Variants in CUX1 observed in about 807,000 individuals in gnomAD.
The protein encoded by CUX1 is protein CASP.
CUX1 carries 31 observed loss-of-function variants against 158.8 expected under a neutral mutation model. That is an observed-to-expected ratio of 0.20 (90% CI 0.15 to 0.26). CUX1 has a LOEUF of 0.26. Among genes scored for constraint, CUX1 ranks in the 10% least tolerant of loss-of-function variants. CUX1 has a pLI of 1.00. For synonymous variants in CUX1, 879 were observed against 862.1 expected (o/e 1.02, Z -0.34); for missense variants, 1,589 against 2,014.6 (o/e 0.79, Z 4.04).
intron 8 of CUX1, among the ~76,000 whole-genome samples, chr7:102,140,404 C>T (rs1054153602): frequency 2.6e-4 from 39 of 152,206 alleles, no homozygotes; most frequent in African/African-American, 9.1e-4. Context: ...CACCACCATG[C>T]CCAGCCAGTT....
intron 14 of CUX1, chr7:102,273,346 A>G: frequency 6.2e-7 from 1 of 1,609,318 alleles, no homozygotes. Flanking sequence ...TCTGACGGCC[A>G]TGTCTTCCTT....
At chr7:102,043,055 G>A (rs1475168994) in intron 3 of CUX1, among the ~76,000 whole-genome samples, 1 of 151,986 alleles carries the variant, frequency 6.6e-6, no homozygotes, top group South Asian at 2.1e-4. Flanking sequence ...TCCACCTCCT[G>A]GGTTCAAGCC....
chr7:102,089,403 G>A (rs1554481549), intron 4 of CUX1, among the ~76,000 whole-genome samples: 1 of 152,160 alleles, frequency 6.6e-6, no homozygotes, highest in Non-Finnish European at 1.5e-5. Flanking sequence ...GGATTTTGTT[G>A]TCTTATTTAA....
At chr7:101,943,004 A>G (rs1305064151) in intron 2 of CUX1, among the ~76,000 whole-genome samples, 1 of 144,192 alleles carries the variant, frequency 6.9e-6, no homozygotes, top group African/African-American at 2.6e-5. Context: ...GACCACACCC[A>G]TGTTCGTTGT....
intron 21 of CUX1, among the ~76,000 whole-genome samples, chr7:102,232,003 G>A (rs546382583): frequency 5.3e-5 from 8 of 150,652 alleles, no homozygotes; most frequent in Admixed American, 2.0e-4. Context: ...GTGAGCCACC[G>A]CACCTGGCCA....
chr7:102,232,442 G>C (rs1799106323), intron 21 of CUX1, among the ~76,000 whole-genome samples: 1 of 152,184 alleles, frequency 6.6e-6, no homozygotes, highest in Non-Finnish European at 1.5e-5. Context: ...ATTTCACATA[G>C]AGGATGTAAG....
At chr7:101,927,630 G>A (rs1282762707) in intron 2 of CUX1, among the ~76,000 whole-genome samples, 1 of 152,094 alleles carries the variant, frequency 6.6e-6, no homozygotes, top group Non-Finnish European at 1.5e-5. Flanking sequence ...AGCCTGGGCG[G>A]CAGAGCAAGA....
At chr7:102,113,504 C>T (rs186077223) in intron 7 of CUX1, among the ~76,000 whole-genome samples, 2 of 152,296 alleles carry the variant, frequency 1.3e-5, no homozygotes, top group Admixed American at 1.3e-4. Context: ...GATCCACCTG[C>T]CTCAGCCTCC....
At chr7:102,185,288 T>C (rs1316226486) in intron 11 of CUX1, among the ~76,000 whole-genome samples, 2 of 152,192 alleles carry the variant, frequency 1.3e-5, no homozygotes, top group Non-Finnish European at 2.9e-5. Flanking sequence ...TGTACTAAGC[T>C]CTAAGTACCC....
At chr7:102,008,803 A>G (rs762916070) in intron 2 of CUX1, among the ~76,000 whole-genome samples, 2 of 152,178 alleles carry the variant, frequency 1.3e-5, no homozygotes, top group East Asian at 3.8e-4. Context: ...AGGCGAGACC[A>G]CAGCACAGTC....
chr7:101,828,228 C>A (rs1307040722), intron 1 of CUX1, among the ~76,000 whole-genome samples: 2 of 151,998 alleles, frequency 1.3e-5, no homozygotes, highest in Non-Finnish European at 2.9e-5. Context: ...CTTCGGCCTC[C>A]CAAAGTGCTG....
At chr7:101,978,779 C>T (rs547929621) in intron 2 of CUX1, among the ~76,000 whole-genome samples, 3 of 152,344 alleles carry the variant, frequency 2.0e-5, no homozygotes, top group South Asian at 4.1e-4. Flanking sequence ...CTGGCTCACC[C>T]GGAATTCCAG....
At chr7:102,228,819 C>A (rs1376291169) in intron 21 of CUX1, among the ~76,000 whole-genome samples, 1 of 152,110 alleles carries the variant, frequency 6.6e-6, no homozygotes, top group African/African-American at 2.4e-5. Flanking sequence ...GAGGTAGACA[C>A]CCATTAGAGC....
intron 9 of CUX1, among the ~76,000 whole-genome samples, chr7:102,168,333 C>T (rs1052341267): frequency 1.3e-5 from 2 of 152,036 alleles, no homozygotes; most frequent in Non-Finnish European, 1.5e-5. Context: ...CCGCCCTGGG[C>T]GGACGGAACT....
At chr7:102,235,922 G>C (rs1799513042) in intron 22 of CUX1, among the ~76,000 whole-genome samples, 1 of 152,078 alleles carries the variant, frequency 6.6e-6, no homozygotes, top group Admixed American at 6.6e-5. Context: ...TGCTGAAGGA[G>C]AGAGAGTGTC....
chr7:102,230,085 G>T (rs1554530112), intron 21 of CUX1, among the ~76,000 whole-genome samples: 1 of 152,166 alleles, frequency 6.6e-6, no homozygotes, highest in East Asian at 1.9e-4. Context: ...GAGCATGTAA[G>T]CACAACCCTA....
At chr7:102,119,630 A>G (rs782232577) in intron 8 of CUX1, among the ~76,000 whole-genome samples, 1 of 152,214 alleles carries the variant, frequency 6.6e-6, no homozygotes, top group Admixed American at 6.5e-5. Flanking sequence ...TTGCCAAAAC[A>G]GTTGTTGTGT....
chr7:101,945,088 A>C (rs974507530), intron 2 of CUX1, among the ~76,000 whole-genome samples: 3 of 152,162 alleles, frequency 2.0e-5, no homozygotes, highest in Non-Finnish European at 4.4e-5. Flanking sequence ...CTCCTTCCAC[A>C]CACAGTCACC....
At position 102,073,844 on chromosome 7, in the gene CUX1, G is replaced by A. The variant is rs535639248; in HGVS notation, c.268+3427G>A. ...ATTTCTGGCCAGAGAATTGAAGTTT[G>A]CAGTTTAAATTGATGGATGGTGGGA... On this transcript the variant is annotated intron_variant, in intron 4 of 23. Coordinates refer to ENST00000292535, the MANE Select transcript of CUX1 (RefSeq NM_181552.4). 1.6e-4 allele frequency among the ~76,000 whole-genome samples: 25 copies of A among 152,240 alleles called. 1 individual carries two copies. Among genetic ancestry groups the A allele is most frequent in the African/African-American group, 5.3e-4 (22 of 41,544 alleles).
Sources: gnomAD v4.1 joint callset for allele counts (sites outside exome capture counted in the v4.1 genomes callset) on GRCh38, gnomAD v4.1.1 for gene constraint, MANE v1.5 for transcripts, NCBI Gene and HGNC (gene_info 2026-07-23, HGNC 2026-07-21) for gene names.